The following CTNNA3 variants were observed in gnomAD, a reference collection of about 807,000 sequenced individuals.
CTNNA3 encodes the protein catenin alpha-3.
CTNNA3 carries 76 observed loss-of-function variants against 95.7 expected under a neutral mutation model. The observed-to-expected ratio is 0.79, with a 90% CI of 0.66 to 0.96. The LOEUF is 0.96. CTNNA3 is among the 40% of genes least tolerant of loss of function. The pLI is 0.00. For missense variants in CTNNA3, 1,191 were observed against 1,089.8 expected, an observed-to-expected ratio of 1.09 and a Z score of -1.31; for synonymous variants, 431 against 374.4, an observed-to-expected ratio of 1.15 and a Z score of -1.74.
chr10:67,061,454 C>G (rs1363131444), intron 7 of CTNNA3, among the ~76,000 whole-genome samples: 1 of 152,126 alleles, frequency 6.6e-6, no homozygotes, highest in Non-Finnish European at 1.5e-5. Flanking sequence ...TTTTATTTTT[C>G]TCTCTCCTGC....
intron 7 of CTNNA3, among the ~76,000 whole-genome samples, chr10:66,868,383 TA>T (rs770471209): frequency 7.0e-6 from 1 of 142,348 alleles, no homozygotes; most frequent in Non-Finnish European, 1.5e-5. Context: ...AAAAAAAAAA[TA>T]AAAAAAACTG....
At chr10:67,556,443 G>A (rs1226959605) in intron 3 of CTNNA3, among the ~76,000 whole-genome samples, 2 of 152,120 alleles carry the variant, frequency 1.3e-5, no homozygotes, top group African/African-American at 4.8e-5. Context: ...CCTGTTATTG[G>A]TCTATTCAGG....
intron 1 of CTNNA3, among the ~76,000 whole-genome samples, chr10:67,756,983 T>A (rs577365566): frequency 6.6e-6 from 1 of 152,306 alleles, no homozygotes; most frequent in African/African-American, 2.4e-5. Flanking sequence ...TTTTCAAACT[T>A]TTTATTAACA....
At chr10:67,000,510 C>T (rs1046222450) in intron 7 of CTNNA3, among the ~76,000 whole-genome samples, 3 of 152,144 alleles carry the variant, frequency 2.0e-5, no homozygotes, top group Non-Finnish European at 4.4e-5. Flanking sequence ...GGGCTTAAGG[C>T]CAGTTCAGTA....
chr10:66,209,426 A>C (rs528214985), intron 13 of CTNNA3, among the ~76,000 whole-genome samples: 1 of 152,322 alleles, frequency 6.6e-6, no homozygotes, highest in South Asian at 2.1e-4. Context: ...CCTAAGGTAC[A>C]TCTCAATGAT....
intron 10 of CTNNA3, among the ~76,000 whole-genome samples, chr10:66,542,322 A>T (rs374739476): frequency 4.6e-5 from 7 of 152,106 alleles, no homozygotes; most frequent in African/African-American, 1.4e-4. Context: ...ATTGTGGAAG[A>T]CAGTGTGGTG....
chr10:66,413,115 C>A (rs184493247), intron 11 of CTNNA3, among the ~76,000 whole-genome samples: 191 of 152,194 alleles, frequency 1.3e-3, no homozygotes, highest in African/African-American at 4.4e-3. Flanking sequence ...TGTAAATGCA[C>A]AGACACACAC....
intron 7 of CTNNA3, among the ~76,000 whole-genome samples, chr10:67,120,559 T>C (rs1004877889): frequency 3.9e-5 from 6 of 151,916 alleles, no homozygotes; most frequent in South Asian, 4.1e-4. Context: ...AAAAGAAATT[T>C]CTGATCCCCA....
rs1447104382 is a variant in CTNNA3, at chr10:66,188,768, A to G, written c.1885-85519T>C. Among the ~76,000 whole-genome samples, 4 of 151,994 alleles carry G rather than the reference A, an allele frequency of 2.6e-5. No homozygotes were observed. In the East Asian group the frequency reaches 5.8e-4, roughly 22 times the overall value. ...AATGACTCCCAGATTGCTCGGTCAT[A>G]TTGTAGTTCTATTTTTAGTTTCTTA... On this transcript the variant is annotated intron_variant, in intron 13 of 17. Coordinates refer to ENST00000433211, the MANE Select transcript of CTNNA3 (RefSeq NM_013266.4).
At chr10:67,507,587 T>C (rs576452050) in intron 5 of CTNNA3, among the ~76,000 whole-genome samples, 1 of 149,456 alleles carries the variant, frequency 6.7e-6, no homozygotes, top group East Asian at 2.0e-4. Flanking sequence ...AAATCAATAA[T>C]TAAAAAGTCT....
intron 15 of CTNNA3, among the ~76,000 whole-genome samples, chr10:66,063,973 T>A (rs1429083308): frequency 6.6e-6 from 1 of 152,178 alleles, no homozygotes; most frequent in Non-Finnish European, 1.5e-5. Context: ...TCTTTTTTTG[T>A]TGTCATTGAT....
chr10:67,642,374 T>G (rs1192439089), intron 2 of CTNNA3, among the ~76,000 whole-genome samples: 1 of 151,064 alleles, frequency 6.6e-6, no homozygotes, highest in Admixed American at 6.6e-5. Context: ...GCAAAAGACA[T>G]GAACAGACAC....
chr10:66,397,470 T>G (rs1362493545), intron 11 of CTNNA3, among the ~76,000 whole-genome samples: 1 of 151,850 alleles, frequency 6.6e-6, no homozygotes, highest in African/African-American at 2.4e-5. Context: ...AAACTAATAT[T>G]TTCTATTTAA....
At chr10:66,332,992 G>T (rs1022696124) in intron 12 of CTNNA3, among the ~76,000 whole-genome samples, 70 of 151,958 alleles carry the variant, frequency 4.6e-4, no homozygotes, top group African/African-American at 1.5e-3. Flanking sequence ...CCATTTCTTT[G>T]AGATTTTCTA....
chr10:66,330,308 G>C (rs894325925), intron 12 of CTNNA3, among the ~76,000 whole-genome samples: 21 of 151,310 alleles, frequency 1.4e-4, no homozygotes, highest in African/African-American at 5.1e-4. Flanking sequence ...CTATGAGTGA[G>C]AACATGCAGT....
chr10:67,236,328 G>C (rs1865454803), intron 5 of CTNNA3, among the ~76,000 whole-genome samples: 2 of 151,504 alleles, frequency 1.3e-5, no homozygotes, highest in Admixed American at 1.3e-4. Flanking sequence ...ATACTATGCA[G>C]CCATAAAAAA....
intron 15 of CTNNA3, 101 bp from the exon 16 acceptor site, chr10:65,988,898 T>C: frequency 1.4e-6 from 1 of 724,636 alleles, no homozygotes; most frequent in Non-Finnish European, 2.3e-6. Context: ...CGTCCATCCA[T>C]CCGCATATGT....
At chr10:66,007,394 C>T (rs1256755646) in intron 15 of CTNNA3, among the ~76,000 whole-genome samples, 2 of 152,156 alleles carry the variant, frequency 1.3e-5, no homozygotes, top group East Asian at 3.9e-4. Context: ...CCTCCTCCCA[C>T]CATCCACCCT....
intron 17 of CTNNA3, among the ~76,000 whole-genome samples, chr10:65,926,336 A>G (rs1163621648): frequency 3.3e-5 from 5 of 152,042 alleles, no homozygotes; most frequent in African/African-American, 1.2e-4. Context: ...ACAAATGTAT[A>G]CAATTTTATC....
Sources: gnomAD v4.1 joint callset for allele counts (sites outside exome capture counted in the v4.1 genomes callset) on GRCh38, gnomAD v4.1.1 for gene constraint, MANE v1.5 for transcripts, NCBI Gene and HGNC (gene_info 2026-07-23, HGNC 2026-07-21) for gene names.